The following RBFOX1 variants were observed in gnomAD, a reference collection of about 807,000 sequenced individuals.
RBFOX1 encodes RNA binding protein fox-1 homolog 1.
RBFOX1 carries 8 observed loss-of-function variants against 57.7 expected under a neutral mutation model. The ratio of observed to expected loss-of-function variants is 0.14; its 90% CI spans 0.08 to 0.25. RBFOX1 has a LOEUF of 0.25. Ranked by LOEUF, RBFOX1 falls within the 10% of genes least tolerant of loss-of-function variation. The pLI is 1.00. For missense variants in RBFOX1, 611 were observed against 548.5 expected (o/e 1.11, Z -1.14); for synonymous variants, 326 against 222.4 (o/e 1.47, Z -4.15).
chr16:7,198,228 A>G (rs766655958), intron 4 of RBFOX1, among the ~76,000 whole-genome samples: 25 of 151,618 alleles, frequency 1.6e-4, no homozygotes, highest in Non-Finnish European at 3.1e-4. Flanking sequence ...GATGTTTTCA[A>G]TCTCCTAACG....
intron 3 of RBFOX1, among the ~76,000 whole-genome samples, chr16:5,679,348 A>ATTTT (rs1567386568): frequency 7.4e-5 from 11 of 149,020 alleles, no homozygotes; most frequent in African/African-American, 2.8e-4. Flanking sequence ...TTTTTTTTTA[A>ATTTT]AAAACAATTT....
intron 1 of RBFOX1, among the ~76,000 whole-genome samples, chr16:6,102,438 T>G (rs1429573970): frequency 6.6e-6 from 1 of 152,170 alleles, no homozygotes; most frequent in East Asian, 1.9e-4. Context: ...AACGGTGTCA[T>G]TTGCAACAAC....
At chr16:7,701,682 CCTATGGTCAATA>C (rs1244836339) in intron 14 of RBFOX1, among the ~76,000 whole-genome samples, 1 of 152,068 alleles carries the variant, frequency 6.6e-6, no homozygotes, top group African/African-American at 2.4e-5. Flanking sequence ...CTTGGTCATC[CCTATGGTCAATA>C]AATGTATAAG....
chr16:7,709,965 T>G, intron 15 of RBFOX1: 2 of 1,010,310 alleles, frequency 2.0e-6, no homozygotes, highest in Non-Finnish European at 2.4e-6. Flanking sequence ...GGCATTCATT[T>G]GAATTGCCAA....
chr16:6,403,318 A>G (rs1181247957), intron 2 of RBFOX1, among the ~76,000 whole-genome samples: 1 of 152,192 alleles, frequency 6.6e-6, no homozygotes, highest in Non-Finnish European at 1.5e-5. Flanking sequence ...TAAGAACCCA[A>G]GCAATAAGGG....
intron 2 of RBFOX1, among the ~76,000 whole-genome samples, chr16:6,329,045 G>T (rs955042219): frequency 1.3e-5 from 2 of 152,060 alleles, no homozygotes; most frequent in Non-Finnish European, 2.9e-5. Flanking sequence ...CAATCCCCCC[G>T]ACTCTGTGTG....
At chr16:6,676,274 A>C (rs78889405) in intron 3 of RBFOX1, among the ~76,000 whole-genome samples, 5,499 of 152,104 alleles carry the variant, frequency 0.036, 147 homozygotes, top group Non-Finnish European at 0.052. Flanking sequence ...GCCTTCCATG[A>C]TCAGAAAGGT....
At chr16:5,465,516 C>G (rs562136757) in intron 1 of RBFOX1, among the ~76,000 whole-genome samples, 1 of 152,266 alleles carries the variant, frequency 6.6e-6, no homozygotes, top group South Asian at 2.1e-4. Context: ...ACAGCTCATT[C>G]TCCAGGTGTG....
At chr16:7,422,229 C>T (rs865815260) in intron 4 of RBFOX1, among the ~76,000 whole-genome samples, 2 of 152,134 alleles carry the variant, frequency 1.3e-5, no homozygotes, top group Non-Finnish European at 2.9e-5. Context: ...CACCAGTAGG[C>T]TGTTAGGCAC....
At chr16:6,713,105 T>A (rs1252327789) in intron 3 of RBFOX1, among the ~76,000 whole-genome samples, 1 of 152,026 alleles carries the variant, frequency 6.6e-6, no homozygotes, top group East Asian at 1.9e-4. Context: ...CCTTTATAAA[T>A]TACCCAGTCT....
intron 3 of RBFOX1, among the ~76,000 whole-genome samples, chr16:7,050,943 G>T (rs1442189752): frequency 6.6e-6 from 1 of 152,056 alleles, no homozygotes; most frequent in Non-Finnish European, 1.5e-5. Context: ...GGGCTCTGGT[G>T]CATCCTTAAG....
At chr16:7,349,383 C>T (rs767112452) in intron 4 of RBFOX1, among the ~76,000 whole-genome samples, 1 of 152,166 alleles carries the variant, frequency 6.6e-6, no homozygotes, top group African/African-American at 2.4e-5. Context: ...AAACTAAATC[C>T]TCCTCCTAAT....
intron 1 of RBFOX1, among the ~76,000 whole-genome samples, chr16:5,383,076 C>A (rs899446119): frequency 3.9e-5 from 6 of 152,194 alleles, no homozygotes; most frequent in Admixed American, 6.5e-5. Context: ...CCACAGTTTC[C>A]AGATGCGGCA....
At chr16:6,791,017 C>A (rs2082837030) in intron 3 of RBFOX1, among the ~76,000 whole-genome samples, 1 of 151,948 alleles carries the variant, frequency 6.6e-6, no homozygotes, top group Non-Finnish European at 1.5e-5. Context: ...GTAATCCTTC[C>A]ACTTCAGCCT....
At chr16:7,048,221 TA>T (rs1398064273) in intron 3 of RBFOX1, among the ~76,000 whole-genome samples, 7 of 151,920 alleles carry the variant, frequency 4.6e-5, no homozygotes, top group African/African-American at 1.4e-4. Context: ...TAGTTATTTT[TA>T]TGGTTGTAAA....
chr16:6,305,865 G>C (rs1047205622), intron 1 of RBFOX1, among the ~76,000 whole-genome samples: 4 of 152,100 alleles, frequency 2.6e-5, no homozygotes, highest in African/African-American at 7.2e-5. Flanking sequence ...ACTTGCCTCT[G>C]AATATCATGG....
intron 4 of RBFOX1, among the ~76,000 whole-genome samples, chr16:7,290,032 A>T (rs892576825): frequency 3.3e-5 from 5 of 152,206 alleles, no homozygotes; most frequent in African/African-American, 1.2e-4. Flanking sequence ...GTAAACCTAT[A>T]ATCTGTGCTT....
At chr16:5,319,154 A>AAAC (rs1567328190) in intron 1 of RBFOX1, among the ~76,000 whole-genome samples, 21 of 145,470 alleles carry the variant, frequency 1.4e-4, no homozygotes, top group Admixed American at 6.1e-4. Context: ...AACAAACAAA[A>AAAC]AAACATAAAA....
At chr16:7,126,062 G>C (rs951142531) in intron 4 of RBFOX1, among the ~76,000 whole-genome samples, 1 of 152,120 alleles carries the variant, frequency 6.6e-6, no homozygotes, top group Admixed American at 6.6e-5. Flanking sequence ...CAGCATGGGC[G>C]ACAGAGCCGG....
Sources: allele counts gnomAD v4.1 joint callset (sites outside exome capture counted in the v4.1 genomes callset), GRCh38; gene constraint gnomAD v4.1.1; transcripts MANE v1.5; gene names NCBI Gene and HGNC (gene_info 2026-07-23, HGNC 2026-07-21).